Variants in RABGEF1 observed in about 807,000 individuals in gnomAD.
RABGEF1 encodes RAB guanine nucleotide exchange factor 1.
A neutral mutation model predicts 57.3 loss-of-function variants in RABGEF1; 26 were observed. The ratio of observed to expected loss-of-function variants is 0.45; its 90% CI spans 0.33 to 0.63. The LOEUF (loss-of-function observed/expected upper bound fraction) is 0.63. RABGEF1 is among the 20% of genes least tolerant of loss of function. The pLI is 0.02. For missense variants in RABGEF1, 464 were observed against 607.6 expected (o/e 0.76, Z 2.48); for synonymous variants, 185 against 210.7 (o/e 0.88, Z 1.06).
chr7:66,738,018 T>TG (rs1328399756), upstream of RABGEF1, among the ~76,000 whole-genome samples: 27 of 133,284 alleles, frequency 2.0e-4, no homozygotes, highest in Middle Eastern at 4.3e-3. Flanking sequence ...TTTTTTGTTT[T>TG]TTTTGTTTTT....
chr7:66,679,326 T>G (rs1032462088), upstream of RABGEF1, among the ~76,000 whole-genome samples: 1 of 152,176 alleles, frequency 6.6e-6, no homozygotes, highest in Non-Finnish European at 1.5e-5. Context: ...TTTTTCTTTT[T>G]GAGACAGGGT....
chr7:66,755,983 A>C, intron 1 of RABGEF1: 1 of 1,166,642 alleles, frequency 8.6e-7, no homozygotes, highest in Non-Finnish European at 1.2e-6. Flanking sequence ...TGGAAGCATT[A>C]TATTTAATCA....
At chr7:66,725,433 T>C (rs1162116953) in intron 2 of RABGEF1, among the ~76,000 whole-genome samples, 1 of 152,234 alleles carries the variant, frequency 6.6e-6, no homozygotes, top group Non-Finnish European at 1.5e-5. Context: ...TGTCTATTCA[T>C]ATAACTGGAA....
chr7:66,782,477 T>C (rs1225822695), intron 3 of RABGEF1, among the ~76,000 whole-genome samples: 3 of 151,942 alleles, frequency 2.0e-5, no homozygotes, highest in African/African-American at 7.3e-5. Flanking sequence ...TTTTTTTTTT[T>C]TTTGGAAGAG....
At chr7:66,795,686 G>A in intron 5 of RABGEF1, 94 bp downstream of exon 5, 2 of 1,219,430 alleles carry the variant, frequency 1.6e-6, no homozygotes, top group Non-Finnish European at 1.2e-6. Context: ...TGGTCTGGCT[G>A]GTTTGTAGAC....
intron 1 of RABGEF1, among the ~76,000 whole-genome samples, chr7:66,702,202 T>C (rs895605389): frequency 1.3e-5 from 2 of 152,232 alleles, no homozygotes; most frequent in Admixed American, 1.3e-4. Flanking sequence ...GTTTTCAAGG[T>C]TCATGCACTT....
chr7:66,782,840 T>C lies in RABGEF1; in HGVS notation c.347-835T>C, dbSNP rs533495275. Among the ~76,000 whole-genome samples, 88 of 152,244 alleles carry C rather than the reference T, an allele frequency of 5.8e-4. 1 individual carries two copies. In the South Asian group the frequency reaches 0.011, roughly 20 times the overall value. ...AATTATTTTTTCGTTTTGGAAATCA[T>C]TGGGATATGGGGAACTTAATTTCCT... On this transcript the variant is annotated intron_variant, in intron 3 of 8. Coordinates refer to ENST00000284957, the MANE Select transcript of RABGEF1 (RefSeq NM_014504.3).
intron 1 of RABGEF1, among the ~76,000 whole-genome samples, chr7:66,683,901 C>T (rs1392313348): frequency 1.3e-5 from 2 of 152,082 alleles, no homozygotes; most frequent in Non-Finnish European, 2.9e-5. Flanking sequence ...CCGCCACACC[C>T]AGCTGATTTT....
chr7:66,663,029 G>A, the RABGEF1 span, among the ~76,000 whole-genome samples: 1 of 152,242 alleles, frequency 6.6e-6, no homozygotes, highest in East Asian at 1.9e-4. Context: ...GGGAATGAGG[G>A]CAAGAAACAC....
At chr7:66,737,081 A>AGAGAGCGAGAGC (rs1270734141), upstream of RABGEF1, among the ~76,000 whole-genome samples, 2 of 130,650 alleles carry the variant, frequency 1.5e-5, no homozygotes, top group South Asian at 5.4e-4. Context: ...AGTGAGAGAG[A>AGAGAGCGAGAGC]GAGAGCGAGA....
chr7:66,737,720 T>C (rs1456006696), upstream of RABGEF1, among the ~76,000 whole-genome samples: 1 of 152,170 alleles, frequency 6.6e-6, no homozygotes, highest in Non-Finnish European at 1.5e-5. Flanking sequence ...CAGCCAGGCA[T>C]GGTGGCACTT....
At chr7:66,741,823 C>T (rs150673669) in intron 1 of RABGEF1, among the ~76,000 whole-genome samples, 218 of 152,222 alleles carry the variant, frequency 1.4e-3, no homozygotes, top group Non-Finnish European at 2.3e-3. Context: ...TGAGCCATTG[C>T]GCGGCTTTAA....
At chr7:66,754,368 C>T (rs1163204151) in intron 1 of RABGEF1, among the ~76,000 whole-genome samples, 1 of 150,856 alleles carries the variant, frequency 6.6e-6, no homozygotes, top group Non-Finnish European at 1.5e-5. Context: ...TTTTTTCTTT[C>T]AGCTTTTTTT....
chr7:66,774,890 ACT>A (rs1808143021), intron 2 of RABGEF1, among the ~76,000 whole-genome samples: 1 of 152,042 alleles, frequency 6.6e-6, no homozygotes, highest in Non-Finnish European at 1.5e-5. Flanking sequence ...CTCAACTTTT[ACT>A]CTCTGATGTA....
At chr7:66,670,453 T>C in the RABGEF1 span, among the ~76,000 whole-genome samples, 1 of 147,948 alleles carries the variant, frequency 6.8e-6, no homozygotes, top group Admixed American at 6.8e-5. Context: ...TTTTTTTTTT[T>C]TTTTTTTTTT....
chr7:66,798,926 G>A (rs1344452355), intron 6 of RABGEF1, among the ~76,000 whole-genome samples: 1 of 152,202 alleles, frequency 6.6e-6, no homozygotes, highest in Non-Finnish European at 1.5e-5. Flanking sequence ...TGGCACTCCA[G>A]CCTGGGCAAG....
intron 1 of RABGEF1, among the ~76,000 whole-genome samples, chr7:66,706,932 C>T (rs1391432125): frequency 5.3e-5 from 8 of 151,350 alleles, no homozygotes; most frequent in African/African-American, 7.3e-5. Context: ...CAGGCGCCCA[C>T]GACCACGCCT....
At chr7:66,761,116 C>T (rs1562803353) in intron 1 of RABGEF1, among the ~76,000 whole-genome samples, 1 of 152,276 alleles carries the variant, frequency 6.6e-6, no homozygotes, top group East Asian at 1.9e-4. Flanking sequence ...TTCCTCTGCT[C>T]ACGCCACAGG....
intron 3 of RABGEF1, 124 bp downstream of exon 3, chr7:66,775,517 C>T (rs1246134723): frequency 8.5e-7 from 1 of 1,177,742 alleles, no homozygotes; most frequent in African/African-American, 1.6e-5. Flanking sequence ...TCAGATTTGA[C>T]ACTGAAATTG....
Sources: allele counts gnomAD v4.1 joint callset (sites outside exome capture counted in the v4.1 genomes callset), GRCh38; gene constraint gnomAD v4.1.1; transcripts MANE v1.5; gene names NCBI Gene and HGNC (gene_info 2026-07-23, HGNC 2026-07-21).